The following RCL1 variants were observed in gnomAD, a reference collection of about 807,000 sequenced individuals.
RCL1 encodes RNA terminal phosphate cyclase like 1.
A neutral mutation model predicts 42.4 loss-of-function variants in RCL1; 24 were observed. That is an observed-to-expected ratio of 0.57 (90% CI 0.41 to 0.80). The LOEUF (loss-of-function observed/expected upper bound fraction) is 0.80. Ranked by LOEUF, RCL1 falls within the 30% of genes least tolerant of loss-of-function variation. RCL1 has a pLI of 0.00. For missense variants in RCL1, 578 were observed against 467.9 expected (o/e 1.24, Z -2.17); for synonymous variants, 228 against 177.3 (o/e 1.29, Z -2.27).
chr9:4,816,490 A>G (rs775981277), intron 1 of RCL1, among the ~76,000 whole-genome samples: 3 of 152,160 alleles, frequency 2.0e-5, no homozygotes, highest in Non-Finnish European at 4.4e-5. Context: ...TAGATACCAA[A>G]TTTTATCAGG....
At chr9:4,823,412 G>T in intron 1 of RCL1, 136 bp from the exon 2 acceptor site, 1 of 589,064 alleles carries the variant, frequency 1.7e-6, no homozygotes. Flanking sequence ...CAGTCCTTTA[G>T]GAAAGCCCAG....
Position 4,860,491 on chromosome 9 carries a change from G to A in RCL1, c.*216G>A, listed in dbSNP as rs978804644. The stretch of plus-strand genomic sequence containing the variant: ...ATTGCCATTGCCCAGGAGGGGCCCA[G>A]TCACCATGAGAGCTCCCTTGCCTTA... On this transcript the variant is annotated 3_prime_UTR_variant, in exon 9 of 9. Transcript: ENST00000381750. 1 of 526,260 alleles carries A rather than the reference G, an allele frequency of 1.9e-6. No homozygotes were observed. Among genetic ancestry groups the A allele is most frequent in the Non-Finnish European group, 3.2e-6 (1 of 312,426 alleles). The allele number at this position is 526,260 out of a possible 1,614,324, so 32.6% of individuals were successfully genotyped here. A position where few individuals can be genotyped will look rare whatever the true frequency, so the allele number is the denominator to read the frequency against.
chr9:4,823,824 A>G (rs1363131553), intron 2 of RCL1, among the ~76,000 whole-genome samples: 1 of 152,114 alleles, frequency 6.6e-6, no homozygotes, highest in African/African-American at 2.4e-5. Flanking sequence ...GGGGGGACTT[A>G]TATGAGGAAC....
chr9:4,860,380 C>G lies in RCL1; in HGVS notation c.*105C>G. On this transcript the variant is annotated 3_prime_UTR_variant, in exon 9 of 9. Transcript: ENST00000381750. ...GGATTAATCCAGGACAGAATAGCCA[C>G]TTGCTTAATTTTCTGTGAAGAAATA... 1 of 1,176,778 alleles carries G rather than the reference C, an allele frequency of 8.5e-7. No individual in the cohort carries two copies. The highest frequency in any genetic ancestry group is 2.8e-5 in the East Asian group (1 of 35,426). The allele number at this position is 1,176,778 out of a possible 1,614,324, so 72.9% of individuals were successfully genotyped here. A position where few individuals can be genotyped will look rare whatever the true frequency, so the allele number is the denominator to read the frequency against.
chr9:4,835,183 G>A (rs1817080833), intron 5 of RCL1, among the ~76,000 whole-genome samples: 1 of 152,194 alleles, frequency 6.6e-6, no homozygotes, highest in Non-Finnish European at 1.5e-5. Flanking sequence ...GGCCAGTGAA[G>A]AGCTGAAGGT....
At chr9:4,817,822 C>T (rs999805228) in intron 1 of RCL1, among the ~76,000 whole-genome samples, 39 of 146,666 alleles carry the variant, frequency 2.7e-4, no homozygotes, top group South Asian at 6.5e-4. Context: ...TTTTTCTCTT[C>T]TTTTGAGATT....
chr9:4,847,957 G>T (rs116321500), intron 7 of RCL1, among the ~76,000 whole-genome samples: 2,740 of 152,238 alleles, frequency 0.018, 82 homozygotes, highest in African/African-American at 0.063. Flanking sequence ...TATCTGGCAG[G>T]TGACACCTCC....
chr9:4,830,755 T>A (rs1385908007), intron 3 of RCL1, among the ~76,000 whole-genome samples: 4 of 152,242 alleles, frequency 2.6e-5, no homozygotes, highest in Non-Finnish European at 5.9e-5. Context: ...GGTGGGTGTT[T>A]CAGACAAGGT....
At chr9:4,803,764 T>A (rs1843046778) in intron 1 of RCL1, 1 of 163,528 alleles carries the variant, frequency 6.1e-6, no homozygotes, top group African/African-American at 2.4e-5. Flanking sequence ...TCTGGCGGCG[T>A]GGGTCATATC....
chr9:4,837,326 A>G (rs1817173018), intron 5 of RCL1, among the ~76,000 whole-genome samples: 1 of 152,164 alleles, frequency 6.6e-6, no homozygotes, highest in African/African-American at 2.4e-5. Context: ...CTTTAACCAC[A>G]ACATTTTTGG....
intron 7 of RCL1, among the ~76,000 whole-genome samples, chr9:4,846,407 C>T (rs533072770): frequency 6.6e-6 from 1 of 152,196 alleles, no homozygotes; most frequent in Non-Finnish European, 1.5e-5. Flanking sequence ...TGTGCAGTCA[C>T]GATCTGGCCT....
chr9:4,827,739 TGTG>T (rs1816809197), intron 3 of RCL1, among the ~76,000 whole-genome samples: 1 of 117,026 alleles, frequency 8.5e-6, no homozygotes, highest in African/African-American at 3.0e-5. Flanking sequence ...GAAGTGTGTG[TGTG>T]TGTGTGTGTG....
At chr9:4,832,639 C>G (rs1372564941) in intron 3 of RCL1, among the ~76,000 whole-genome samples, 1 of 151,592 alleles carries the variant, frequency 6.6e-6, no homozygotes, top group Non-Finnish European at 1.5e-5. Flanking sequence ...GAAACCCCGT[C>G]TCTACTAAAA....
chr9:4,833,358 G>A (rs1339939946), intron 4 of RCL1, 130 bp downstream of exon 4: 2 of 702,838 alleles, frequency 2.8e-6, no homozygotes, highest in East Asian at 2.7e-5. Flanking sequence ...AGACTCACAG[G>A]GCTCATGAAA....
At chr9:4,817,192 A>G (rs1816412577) in intron 1 of RCL1, among the ~76,000 whole-genome samples, 1 of 152,062 alleles carries the variant, frequency 6.6e-6, no homozygotes, top group Admixed American at 6.5e-5. Flanking sequence ...TCTGTTTATT[A>G]TTTGAAAAAA....
intron 2 of RCL1, among the ~76,000 whole-genome samples, chr9:4,823,979 C>T (rs1030023764): frequency 6.6e-6 from 1 of 152,102 alleles, no homozygotes; most frequent in African/African-American, 2.4e-5. Context: ...CAGAGACATA[C>T]ATGAAGTCTC....
chr9:4,844,197 G>T (rs1320481571), intron 6 of RCL1, among the ~76,000 whole-genome samples: 3 of 152,288 alleles, frequency 2.0e-5, no homozygotes, highest in East Asian at 3.9e-4. Flanking sequence ...GTTAAAGGGG[G>T]CAGGTCTGTG....
chr9:4,826,978 A>C lies in RCL1; in HGVS notation c.329A>C (p.Lys110Thr). Residue 110 changes from lysine to threonine, a missense_variant, in exon 3 of 9, where the codon AAG becomes ACG. By Grantham distance (78) the Lys-to-Thr change is moderately conservative. Transcript: ENST00000381750. ...ESLLCLAPFMKHPLKIVLRGV... is the reference protein window; with the variant it reads ...ESLLCLAPFMTHPLKIVLRGV... Reference sequence around the variant, plus strand: ...CTTCTTTGCTTGGCTCCATTTATGAAGCACCCGTTAAAAATAGTTCTACGA... The same window carrying C: ...CTTCTTTGCTTGGCTCCATTTATGACGCACCCGTTAAAAATAGTTCTACGA... The C allele has an allele frequency of 6.2e-7, 1 of 1,614,154 alleles. No homozygotes were observed. Among genetic ancestry groups the C allele is most frequent in the East Asian group, 2.2e-5 (1 of 44,872 alleles).
intron 3 of RCL1, among the ~76,000 whole-genome samples, chr9:4,830,990 A>G (rs1816924863): frequency 6.6e-6 from 1 of 152,298 alleles, no homozygotes; most frequent in Non-Finnish European, 1.5e-5. Flanking sequence ...TAGAATGTGC[A>G]AAGCTGCAGG....
Sources: gnomAD v4.1 joint callset for allele counts (sites outside exome capture counted in the v4.1 genomes callset) on GRCh38, gnomAD v4.1.1 for gene constraint, MANE v1.5 for transcripts, NCBI Gene and HGNC (gene_info 2026-07-23, HGNC 2026-07-21) for gene names.